Variants in BABAM2 observed in about 807,000 individuals in gnomAD.
The protein encoded by BABAM2 is BRISC and BRCA1-A complex member 2.
Under a neutral mutation model 54.7 loss-of-function variants are expected in BABAM2, and 31 were observed. That is an observed-to-expected ratio of 0.57 (90% CI 0.43 to 0.77). The LOEUF (loss-of-function observed/expected upper bound fraction) is 0.77, where lower values mean the gene tolerates loss of function less well. Among genes scored for constraint, BABAM2 ranks in the 30% least tolerant of loss-of-function variants. The pLI is 0.00. For missense variants in BABAM2, 364 were observed against 455.8 expected, an observed-to-expected ratio of 0.80 and a Z score of 1.83; for synonymous variants, 167 against 162.9, an observed-to-expected ratio of 1.03 and a Z score of -0.19.
At chr2:28,327,060 G>A (rs1047593456) in intron 11 of BABAM2, among the ~76,000 whole-genome samples, 10 of 152,190 alleles carry the variant, frequency 6.6e-5, no homozygotes, top group South Asian at 6.2e-4. Flanking sequence ...GGATGAATAC[G>A]ACCCATGGGC....
intron 6 of BABAM2, among the ~76,000 whole-genome samples, chr2:28,064,903 C>G (rs554105427): frequency 9.3e-5 from 14 of 151,142 alleles, no homozygotes; most frequent in African/African-American, 3.2e-4. Flanking sequence ...CTCGGGAGGC[C>G]GAGGCAGGAG....
intron 2 of BABAM2, among the ~76,000 whole-genome samples, chr2:27,915,284 T>A (rs1164731719): frequency 1.3e-5 from 2 of 152,174 alleles, no homozygotes; most frequent in African/African-American, 2.4e-5. Flanking sequence ...TCCTCCTCCT[T>A]ATTTTTTGGT....
At chr2:28,252,971 T>G (rs1330232160) in intron 10 of BABAM2, among the ~76,000 whole-genome samples, 4 of 152,256 alleles carry the variant, frequency 2.6e-5, no homozygotes, top group African/African-American at 4.8e-5. Context: ...GTAACTCTTA[T>G]GTTATTGATG....
At chr2:27,944,779 G>C (rs986039165) in intron 3 of BABAM2, among the ~76,000 whole-genome samples, 5 of 152,038 alleles carry the variant, frequency 3.3e-5, no homozygotes, top group Non-Finnish European at 7.4e-5. Context: ...CTGAGTGTAT[G>C]CTTAACTTTT....
At chr2:27,935,391 C>T (rs1309157791) in intron 3 of BABAM2, among the ~76,000 whole-genome samples, 2 of 152,180 alleles carry the variant, frequency 1.3e-5, no homozygotes, top group African/African-American at 4.8e-5. Context: ...AGCAAGAGAA[C>T]TAGAATTAGA....
At chr2:28,231,822 T>C (rs1053384396) in intron 7 of BABAM2, among the ~76,000 whole-genome samples, 5 of 79,316 alleles carry the variant, frequency 6.3e-5, no homozygotes, top group Admixed American at 2.0e-4. Flanking sequence ...TTTTTTTTTT[T>C]TAAGAGACAG....
chr2:28,011,626 T>C (rs536050154), intron 4 of BABAM2, among the ~76,000 whole-genome samples: 6 of 152,202 alleles, frequency 3.9e-5, no homozygotes, highest in Non-Finnish European at 7.3e-5. Context: ...CAGGGGCCTA[T>C]TCTCACTAGG....
At chr2:28,168,316 C>G (rs963586313) in intron 7 of BABAM2, among the ~76,000 whole-genome samples, 2 of 152,128 alleles carry the variant, frequency 1.3e-5, no homozygotes, top group African/African-American at 4.8e-5. Flanking sequence ...ATAATTCAGC[C>G]AGAATCTGAT....
intron 7 of BABAM2, among the ~76,000 whole-genome samples, chr2:28,130,479 G>A (rs769692587): frequency 2.3e-4 from 35 of 152,072 alleles, no homozygotes; most frequent in Non-Finnish European, 4.7e-4. Flanking sequence ...TTGAGACAGC[G>A]TCTCACTCTG....
chr2:28,231,273 G>T (rs910484390), intron 7 of BABAM2, among the ~76,000 whole-genome samples: 1 of 152,140 alleles, frequency 6.6e-6, no homozygotes, highest in African/African-American at 2.4e-5. Context: ...CTGCTGGCAG[G>T]CCACCAGGAA....
intron 6 of BABAM2, among the ~76,000 whole-genome samples, chr2:28,055,422 A>T (rs939313025): frequency 1.3e-5 from 2 of 152,032 alleles, no homozygotes; most frequent in Non-Finnish European, 2.9e-5. Context: ...AATAAAAGTT[A>T]AAAAAAAGAA....
chr2:28,317,102 C>T (rs1337378932), intron 11 of BABAM2, among the ~76,000 whole-genome samples: 2 of 152,142 alleles, frequency 1.3e-5, no homozygotes, highest in Non-Finnish European at 1.5e-5. Context: ...TGCTTTGACC[C>T]TCCTCTCCTA....
chr2:28,301,941 G>A (rs753035469), intron 11 of BABAM2, among the ~76,000 whole-genome samples: 2 of 152,070 alleles, frequency 1.3e-5, no homozygotes, highest in Non-Finnish European at 2.9e-5. Context: ...AAGTTTTGAC[G>A]AAGTTACCTT....
At chr2:27,955,375 A>C (rs1351504627) in intron 3 of BABAM2, among the ~76,000 whole-genome samples, 2 of 152,238 alleles carry the variant, frequency 1.3e-5, no homozygotes, top group Non-Finnish European at 2.9e-5. Flanking sequence ...TCCTAAGGCC[A>C]GGAAGCACAC....
At chr2:28,112,109 C>CTTTCTTTCTTTCTTTCTTTCTTTA in intron 6 of BABAM2, among the ~76,000 whole-genome samples, 1 of 9,712 alleles carries the variant, frequency 1.0e-4, no homozygotes, top group Non-Finnish European at 2.0e-4. Context: ...TTCTTTCTTT[C>CTTTCTTTCTTTCTTTCTTTCTTTA]TTTCTTTCTT....
intron 7 of BABAM2, among the ~76,000 whole-genome samples, chr2:28,216,723 A>G (rs1208426756): frequency 6.6e-6 from 1 of 152,204 alleles, no homozygotes; most frequent in Non-Finnish European, 1.5e-5. Context: ...CCCATGAAAT[A>G]TTCACCATAA....
At chr2:28,254,210 T>C (rs1683751828) in intron 10 of BABAM2, among the ~76,000 whole-genome samples, 1 of 150,778 alleles carries the variant, frequency 6.6e-6, no homozygotes, top group Non-Finnish European at 1.5e-5. Context: ...TGATCTCGGC[T>C]CATTCCAGCC....
At chr2:28,128,777 T>C (rs1669786584) in intron 6 of BABAM2, among the ~76,000 whole-genome samples, 1 of 152,200 alleles carries the variant, frequency 6.6e-6, no homozygotes, top group Non-Finnish European at 1.5e-5. Flanking sequence ...GATGTGTACC[T>C]AACCCCCTTG....
At chr2:27,889,531 T>A (rs1558562127), upstream of BABAM2, among the ~76,000 whole-genome samples, 5 of 151,912 alleles carry the variant, frequency 3.3e-5, no homozygotes, top group Admixed American at 1.3e-4. Flanking sequence ...TACCTTAATT[T>A]AAAAAAAAGA....
Sources: allele counts gnomAD v4.1 joint callset (sites outside exome capture counted in the v4.1 genomes callset), GRCh38; gene constraint gnomAD v4.1.1; transcripts MANE v1.5; gene names NCBI Gene and HGNC (gene_info 2026-07-23, HGNC 2026-07-21).